The following RILPL1 variants were observed in gnomAD, a reference collection of about 807,000 sequenced individuals.
The protein encoded by RILPL1 is Rab interacting lysosomal protein like 1, also known as RILP-like protein 1.
Under a neutral mutation model 50.3 loss-of-function variants are expected in RILPL1, and 33 were observed. The observed-to-expected ratio is 0.66, with a 90% CI of 0.50 to 0.88. RILPL1 has a LOEUF of 0.88. Among genes scored for constraint, RILPL1 ranks in the 40% least tolerant of loss-of-function variants. The pLI, the probability that RILPL1 is intolerant of heterozygous loss-of-function variation, is 0.00. For missense variants in RILPL1, 418 were observed against 542.5 expected, an observed-to-expected ratio of 0.77 and a Z score of 2.28; for synonymous variants, 205 against 228.6, an observed-to-expected ratio of 0.90 and a Z score of 0.93.
At chr12:123,480,155 ATTCTT>A (rs1881867187) in intron 6 of RILPL1, among the ~76,000 whole-genome samples, 1 of 140,602 alleles carries the variant, frequency 7.1e-6, no homozygotes, top group African/African-American at 2.7e-5. Flanking sequence ...AGAAAGGCTG[ATTCTT>A]TTTTTTTTTT....
intron 1 of RILPL1, among the ~76,000 whole-genome samples, chr12:123,532,641 C>G (rs1186575299): frequency 7.2e-6 from 1 of 139,250 alleles, no homozygotes; most frequent in Non-Finnish European, 1.5e-5. Flanking sequence ...AATATGAACC[C>G]GAAGACTAGG....
chr12:123,523,439 G>A, intron 2 of RILPL1, 56 bp downstream of exon 2: 2 of 1,604,640 alleles, frequency 1.2e-6, no homozygotes, highest in East Asian at 2.2e-5. Context: ...TCGCTGATGT[G>A]GGCAATAAGA....
intron 1 of RILPL1, among the ~76,000 whole-genome samples, chr12:123,529,438 A>G (rs1430102807): frequency 6.6e-6 from 1 of 152,008 alleles, no homozygotes; most frequent in Non-Finnish European, 1.5e-5. Flanking sequence ...CACCACACCC[A>G]GCTAATTTTT....
At chr12:123,509,794 G>A (rs144375966) in intron 2 of RILPL1, among the ~76,000 whole-genome samples, 131 of 152,294 alleles carry the variant, frequency 8.6e-4, no homozygotes, top group African/African-American at 3.1e-3. Flanking sequence ...AGTAAACACC[G>A]CTGCCCTGTG....
rs1398793858 is a variant in RILPL1 at position 123,471,301 on chromosome 12, A to T, written c.*1237T>A. On this transcript the variant is annotated 3_prime_UTR_variant, in exon 7 of 7. Coordinates refer to ENST00000376874, the MANE Select transcript of RILPL1 (RefSeq NM_178314.5). ...TGGCCAAGCTGGTCTCGAACTCCGG[A>T]CCTCAAGTGACCCACCTGCCTCGGC... is the stretch of plus-strand genomic sequence containing the variant. The T allele has an allele frequency of 6.6e-6, 1 of 152,002 alleles. No homozygotes were observed. Among genetic ancestry groups the T allele is most frequent in the Non-Finnish European group, 1.5e-5 (1 of 68,022 alleles). 9.4% of individuals were successfully genotyped at this position (152,002 alleles called of 1,614,324 possible). A position where few individuals can be genotyped will look rare whatever the true frequency, so the allele number is the denominator to read the frequency against.
At chr12:123,486,742 C>T (rs960334002) in intron 4 of RILPL1, among the ~76,000 whole-genome samples, 4 of 152,172 alleles carry the variant, frequency 2.6e-5, no homozygotes, top group South Asian at 2.1e-4. Flanking sequence ...TGGCTTCAAG[C>T]GATTCTTGTG....
intron 4 of RILPL1, among the ~76,000 whole-genome samples, chr12:123,493,731 T>G (rs1233934794): frequency 6.6e-6 from 1 of 151,478 alleles, no homozygotes. Flanking sequence ...TAGTCCACCC[T>G]GGGACACAGG....
intron 2 of RILPL1, among the ~76,000 whole-genome samples, chr12:123,511,122 TGA>T (rs1330284196): frequency 1.8e-5 from 1 of 54,152 alleles, no homozygotes; most frequent in African/African-American, 6.5e-5. Flanking sequence ...GTGTGGTGTG[TGA>T]GGTCTATGTG....
intron 2 of RILPL1, among the ~76,000 whole-genome samples, chr12:123,510,337 A>C (rs1044025352): frequency 3.3e-5 from 5 of 151,888 alleles, no homozygotes; most frequent in African/African-American, 1.2e-4. Context: ...CTTCCCAGAA[A>C]GGCGACCCTT....
At chr12:123,493,003 T>C (rs28380613) in intron 4 of RILPL1, among the ~76,000 whole-genome samples, 33,479 of 152,054 alleles carry the variant, frequency 0.22, 3,959 homozygotes, top group African/African-American at 0.27. Context: ...AAGACCTGAC[T>C]GTCCCCCAGC....
intron 6 of RILPL1, among the ~76,000 whole-genome samples, chr12:123,480,889 G>A (rs964242300): frequency 6.6e-6 from 1 of 152,242 alleles, no homozygotes. Context: ...CTGGATGGAG[G>A]TAAAAGTGCT....
chr12:123,525,416 C>T (rs1199187797), intron 1 of RILPL1, among the ~76,000 whole-genome samples: 1 of 137,654 alleles, frequency 7.3e-6, no homozygotes, highest in East Asian at 2.3e-4. Flanking sequence ...TGGGGTATTG[C>T]TGGCTGAGTG....
Position 123,472,570 on chromosome 12 carries a change from C to G in RILPL1, c.1180G>C (p.Glu394Gln). ...TGCTGCAGGGCTTCCTGTCCTTGCT[C>G]TGTGTAACCGTCATCGCGGTGGGTG... ...ANTHRDDGYTEQGQEALQHL is the reference protein window; with the variant it reads ...ANTHRDDGYTQQGQEALQHL Residue 394 changes from glutamate to glutamine, a missense_variant, in exon 7 of 7, where the codon GAG becomes CAG. Transcript: ENST00000376874. The G allele has an allele frequency of 6.4e-7, 1 of 1,553,860 alleles. No individual in the cohort carries two copies. Among genetic ancestry groups the G allele is most frequent in the Non-Finnish European group, 8.7e-7 (1 of 1,148,148 alleles).
Position 123,528,317 on chromosome 12 carries a change from G to A in RILPL1, c.310-4672C>T, listed in dbSNP as rs369724418. Among the ~76,000 whole-genome samples the A allele has an allele frequency of 1.4e-4, 21 of 147,436 alleles. No individual in the cohort carries two copies. The South Asian group carries it at 3.6e-3, about 26-fold the overall frequency. ...GAAGCTGCAGTGAGCCAATGGTCAC[G>A]CACGGCACGCCAGCCTGGGCAACAG... On this transcript the variant is annotated intron_variant, in intron 1 of 6. Coordinates refer to ENST00000376874, the MANE Select transcript of RILPL1 (RefSeq NM_178314.5).
At chr12:123,520,284 A>G (rs958007213) in intron 2 of RILPL1, among the ~76,000 whole-genome samples, 3 of 152,174 alleles carry the variant, frequency 2.0e-5, no homozygotes, top group African/African-American at 7.2e-5. Flanking sequence ...CAAGGCTGGG[A>G]GTGGTGGCTC....
At chr12:123,480,952 G>A (rs1213498239) in intron 6 of RILPL1, among the ~76,000 whole-genome samples, 1 of 152,166 alleles carries the variant, frequency 6.6e-6, no homozygotes, top group Non-Finnish European at 1.5e-5. Context: ...GTGCTGTCCT[G>A]TGATTGGGTT....
At chr12:123,495,324 C>T (rs1882953804) in intron 4 of RILPL1, among the ~76,000 whole-genome samples, 1 of 152,064 alleles carries the variant, frequency 6.6e-6, no homozygotes, top group Non-Finnish European at 1.5e-5. Flanking sequence ...GAAGCTACCC[C>T]TAAGAGCTTT....
chr12:123,500,808 C>A (rs11533170), intron 2 of RILPL1, among the ~76,000 whole-genome samples: 25 of 151,924 alleles, frequency 1.6e-4, no homozygotes, highest in East Asian at 9.7e-4. Context: ...GAAAGGTTCT[C>A]TAAAATAAGA....
chr12:123,509,822 G>A (rs1329384612), intron 2 of RILPL1, among the ~76,000 whole-genome samples: 1 of 152,244 alleles, frequency 6.6e-6, no homozygotes, highest in Non-Finnish European at 1.5e-5. Flanking sequence ...ACAGGTTACA[G>A]AGGGGCAATT....
Sources: gnomAD v4.1 joint callset for allele counts (sites outside exome capture counted in the v4.1 genomes callset) on GRCh38, gnomAD v4.1.1 for gene constraint, MANE v1.5 for transcripts, NCBI Gene and HGNC (gene_info 2026-07-23, HGNC 2026-07-21) for gene names.